Variants in BRIP1 observed in about 807,000 individuals in gnomAD.
BRIP1 encodes BRCA1 interacting DNA helicase 1.
BRIP1 carries 88 observed loss-of-function variants against 119.7 expected under a neutral mutation model. The observed-to-expected ratio is 0.74, with a 90% CI of 0.62 to 0.88. The LOEUF (loss-of-function observed/expected upper bound fraction) is 0.88. Ranked by LOEUF, BRIP1 falls within the 40% of genes least tolerant of loss-of-function variation. BRIP1 has a pLI of 0.00. For synonymous variants in BRIP1, 443 were observed against 496.5 expected (o/e 0.89, Z 1.43); for missense variants, 1,259 against 1,455.4 (o/e 0.87, Z 2.20).
rs1188482035 is a variant in BRIP1 at position 61,731,961 on chromosome 17, TTTTC to T, written c.2379+11048_2379+11051del. On this transcript the variant is annotated intron_variant, in intron 16 of 19. Coordinates refer to ENST00000259008, the MANE Select transcript of BRIP1 (RefSeq NM_032043.3). ...TTATTCTGAATAGTTGCTTTTTTTC[TTTTC>T]TTTCTTTCTTTCTTTCTTTTTTTTT... is the stretch of plus-strand genomic sequence containing the variant. Among the ~76,000 whole-genome samples, 86 of 148,634 alleles carry T rather than the reference TTTTC, an allele frequency of 5.8e-4. No homozygotes were observed. In the East Asian group the frequency reaches 7.9e-3, roughly 14 times the overall value.
Position 61,780,720 on chromosome 17 carries a change from C to T in BRIP1, c.1794+120G>A. 1 of 1,245,396 alleles carries T rather than the reference C, an allele frequency of 8.0e-7. No homozygotes were observed. The highest frequency in any genetic ancestry group is 1.2e-6 in the Non-Finnish European group (1 of 857,802). 77.1% of individuals were successfully genotyped at this position (1,245,396 alleles called of 1,614,324 possible). The stretch of plus-strand genomic sequence containing the variant: ...TCCAGCCTGGGTGAAGAGCAAGACC[C>T]TGCCTCAAAACAACAACAACAACAA... On this transcript the variant is annotated intron_variant, in intron 12 of 19. Coordinates refer to ENST00000259008, the MANE Select transcript of BRIP1 (RefSeq NM_032043.3). This position sits in a 1 kb window ranked among gnomAD's most constrained non-coding sequence, Gnocchi z 5.4.
rs73332536 is a variant in BRIP1 at position 61,842,131 on chromosome 17, T to C, written c.627+4970A>G. Among the ~76,000 whole-genome samples, 433 of 152,320 alleles carry C rather than the reference T, an allele frequency of 2.8e-3. 3 individuals carry two copies. Among genetic ancestry groups the C allele is most frequent in the African/African-American group, 9.9e-3 (412 of 41,558 alleles). On this transcript the variant is annotated intron_variant, in intron 6 of 19. Coordinates refer to ENST00000259008, the MANE Select transcript of BRIP1 (RefSeq NM_032043.3). The surrounding 1 kb of genome is among the most constrained non-coding windows in gnomAD (Gnocchi z 5.1). ...TAGAAAAATATTGAAACCTTGTTAT[T>C]TGCAGCAACATGGGTAAGCCTGGAA...
In BRIP1 at chr17:61,841,531, G is replaced by A. The variant is rs1422013914; in HGVS notation, c.627+5570C>T. Among the ~76,000 whole-genome samples the A allele has an allele frequency of 9.9e-5, 15 of 151,250 alleles. No individual in the cohort carries two copies. The highest frequency in any genetic ancestry group is 2.7e-4 in the African/African-American group (11 of 41,096). ...CACTCAGTTAGAATGGCTTACTATCGAAAAGACAAAAAAAAATAACAAATG... is the reference window on the plus strand; with the variant it reads ...CACTCAGTTAGAATGGCTTACTATCAAAAAGACAAAAAAAAATAACAAATG... On this transcript the variant is annotated intron_variant, in intron 6 of 19. Coordinates refer to ENST00000259008, the MANE Select transcript of BRIP1 (RefSeq NM_032043.3). The surrounding 1 kb of genome is among the most constrained non-coding windows in gnomAD (Gnocchi z 4.1).
intron 2 of BRIP1, 29 bp from the exon 3 acceptor site, chr17:61,859,936 T>C: frequency 2.1e-6 from 3 of 1,448,072 alleles, no homozygotes; most frequent in Non-Finnish European, 2.9e-6. Context: ...ATGAAAATAA[T>C]AAACATATTA....
rs1414299156 is a variant in BRIP1 at position 61,731,000 on chromosome 17, G to A, written c.2379+12013C>T. On this transcript the variant is annotated intron_variant, in intron 16 of 19. Coordinates refer to ENST00000259008, the MANE Select transcript of BRIP1 (RefSeq NM_032043.3). The surrounding 1 kb of genome is among the most constrained non-coding windows in gnomAD (Gnocchi z 4.3). ...TTTATTAACCTAGACAGCTTACTTA[G>A]ATTTAAACTAGGTTTTAATTTTGGA... 6.7e-6 allele frequency among the ~76,000 whole-genome samples: 1 copy of A among 150,100 alleles called. No homozygotes were observed. Among genetic ancestry groups the A allele is most frequent in the African/African-American group, 2.4e-5 (1 of 40,824 alleles).
intron 4 of BRIP1, among the ~76,000 whole-genome samples, chr17:61,855,572 C>T (rs1336132513): frequency 2.7e-5 from 3 of 113,018 alleles, no homozygotes; most frequent in Admixed American, 1.1e-4. Flanking sequence ...GAGTGAGATT[C>T]TGTCTCAAAA....
Position 61,745,762 on chromosome 17 carries a change from C to G in BRIP1, c.2098-1171G>C, listed in dbSNP as rs2077050354. On this transcript the variant is annotated intron_variant, in intron 14 of 19. Coordinates refer to ENST00000259008, the MANE Select transcript of BRIP1 (RefSeq NM_032043.3). The surrounding 1 kb of genome is among the most constrained non-coding windows in gnomAD (Gnocchi z 4.4). Reference sequence around the variant, plus strand: ...TAGTTATGAATAAGAAAAGCACTCACAATTCGAAACATGTGGCATACAGCA... The same window carrying G: ...TAGTTATGAATAAGAAAAGCACTCAGAATTCGAAACATGTGGCATACAGCA... Among the ~76,000 whole-genome samples, 1 of 152,022 alleles carries G rather than the reference C, an allele frequency of 6.6e-6. No homozygotes were observed. The highest frequency in any genetic ancestry group is 1.5e-5 in the Non-Finnish European group (1 of 68,006).
At chr17:61,719,959 G>C (rs920955665) in intron 16 of BRIP1, among the ~76,000 whole-genome samples, 2 of 152,014 alleles carry the variant, frequency 1.3e-5, no homozygotes, top group Non-Finnish European at 2.9e-5. Flanking sequence ...CTCCCAAGTA[G>C]GTTGGACTAC....
rs2078422292 is a variant in BRIP1 at position 61,827,178 on chromosome 17, C to A, written c.628-18421G>T. 6.6e-6 allele frequency among the ~76,000 whole-genome samples: 1 copy of A among 152,094 alleles called. No individual in the cohort carries two copies. Among genetic ancestry groups the A allele is most frequent in the East Asian group, 1.9e-4 (1 of 5,180 alleles). On this transcript the variant is annotated intron_variant, in intron 6 of 19. Coordinates refer to ENST00000259008, the MANE Select transcript of BRIP1 (RefSeq NM_032043.3). The surrounding 1 kb of genome is among the most constrained non-coding windows in gnomAD (Gnocchi z 5.8). ...AGCAAACTAATGCAGGAACAGAAAA[C>A]CAAATACTGCATGTTCTCACTTATA... is the stretch of plus-strand genomic sequence containing the variant.
intron 17 of BRIP1, among the ~76,000 whole-genome samples, chr17:61,702,967 C>CTGTTCT (rs1238578764): frequency 2.3e-5 from 3 of 130,430 alleles, no homozygotes; most frequent in Non-Finnish European, 3.1e-5. Context: ...TTGCGAGCAT[C>CTGTTCT]TGTTCTTTTT....
At chr17:61,771,057 T>C (rs2077440826) in intron 14 of BRIP1, among the ~76,000 whole-genome samples, 1 of 152,160 alleles carries the variant, frequency 6.6e-6, no homozygotes, top group Admixed American at 6.5e-5. Flanking sequence ...TAGACACAAA[T>C]AGGTTGAAAG....
rs1369051988 is a variant in BRIP1, at chr17:61,775,654, A to G, written c.2097+747T>C. The stretch of plus-strand genomic sequence containing the variant: ...TTATTAAAAATCAGTGACTCTAAAA[A>G]CAACAACAAAATTCTTCTGGCCAGA... On this transcript the variant is annotated intron_variant, in intron 14 of 19. Coordinates refer to ENST00000259008, the MANE Select transcript of BRIP1 (RefSeq NM_032043.3). The surrounding 1 kb of genome is among the most constrained non-coding windows in gnomAD (Gnocchi z 4.4). Among the ~76,000 whole-genome samples the G allele has an allele frequency of 6.6e-6, 1 of 152,218 alleles. No individual in the cohort carries two copies. Among genetic ancestry groups the G allele is most frequent in the Non-Finnish European group, 1.5e-5 (1 of 68,026 alleles).
chr17:61,783,440 TG>T (rs1166093147), intron 11 of BRIP1, among the ~76,000 whole-genome samples: 4 of 152,144 alleles, frequency 2.6e-5, no homozygotes, highest in Admixed American at 2.6e-4. Flanking sequence ...AATTCCTATT[TG>T]GAATAATAAA....
In BRIP1 at chr17:61,755,304, A is replaced by G. The variant is rs934641363; in HGVS notation, c.2098-10713T>C. Among the ~76,000 whole-genome samples, 2 of 152,160 alleles carry G rather than the reference A, an allele frequency of 1.3e-5. No individual in the cohort carries two copies. Among genetic ancestry groups the G allele is most frequent in the Non-Finnish European group, 2.9e-5 (2 of 68,032 alleles). On this transcript the variant is annotated intron_variant, in intron 14 of 19. Coordinates refer to ENST00000259008, the MANE Select transcript of BRIP1 (RefSeq NM_032043.3). This position sits in a 1 kb window ranked among gnomAD's most constrained non-coding sequence, Gnocchi z 4.5. ...GCTGGGTGCAGTGGCCCACACCTGT[A>G]ATCCCAGCACTTTGAGATGCTGAGG...
chr17:61,772,598 C>T (rs1371943672), intron 14 of BRIP1, among the ~76,000 whole-genome samples: 1 of 152,064 alleles, frequency 6.6e-6, no homozygotes, highest in African/African-American at 2.4e-5. Context: ...GCGGGCAGAT[C>T]ATCTGAGGTC....
chr17:61,823,794 A>C lies in BRIP1; in HGVS notation c.628-15037T>G, dbSNP rs1357740109. Among the ~76,000 whole-genome samples the C allele has an allele frequency of 6.7e-6, 1 of 149,662 alleles. No homozygotes were observed. The highest frequency in any genetic ancestry group is 1.5e-5 in the Non-Finnish European group (1 of 67,754). ...CACACACACACACACACACACACAC[A>C]CACCTTAGTTGAATTGCTGAAAGCA... On this transcript the variant is annotated intron_variant, in intron 6 of 19. Coordinates refer to ENST00000259008, the MANE Select transcript of BRIP1 (RefSeq NM_032043.3). The surrounding 1 kb of genome is among the most constrained non-coding windows in gnomAD (Gnocchi z 4.8).
intron 6 of BRIP1, among the ~76,000 whole-genome samples, chr17:61,819,967 C>T (rs908409378): frequency 6.6e-6 from 1 of 151,558 alleles, no homozygotes; most frequent in Non-Finnish European, 1.5e-5. Flanking sequence ...ACATTGCATG[C>T]CTGTATCAAA....
intron 3 of BRIP1, among the ~76,000 whole-genome samples, chr17:61,858,123 TAA>T (rs1362429895): frequency 6.6e-6 from 1 of 152,176 alleles, no homozygotes; most frequent in Non-Finnish European, 1.5e-5. Flanking sequence ...CAAATTGTAA[TAA>T]GTTTACATTG....
Position 61,770,410 on chromosome 17 carries a change from A to G in BRIP1, c.2097+5991T>C, listed in dbSNP as rs1403300324. On this transcript the variant is annotated intron_variant, in intron 14 of 19. Coordinates refer to ENST00000259008, the MANE Select transcript of BRIP1 (RefSeq NM_032043.3). This position sits in a 1 kb window ranked among gnomAD's most constrained non-coding sequence, Gnocchi z 4.7. ...CAAGTCCACATTAAGAATTAATTAA[A>G]GAGCACTGGTCAAGATAACTACAAG... Among the ~76,000 whole-genome samples the G allele has an allele frequency of 6.6e-6, 1 of 152,250 alleles. No homozygotes were observed. Among genetic ancestry groups the G allele is most frequent in the Non-Finnish European group, 1.5e-5 (1 of 68,040 alleles).
Sources: gnomAD v4.1 joint callset for allele counts (sites outside exome capture counted in the v4.1 genomes callset) on GRCh38, gnomAD v4.1.1 for gene constraint, Gnocchi (gnomAD v3.1) non-coding constraint, MANE v1.5 for transcripts, NCBI Gene and HGNC (gene_info 2026-07-23, HGNC 2026-07-21) for gene names.